Variants in ELOA observed in about 807,000 individuals in gnomAD.
ELOA encodes the protein elongin A, also known as elongin-A.
In ELOA, 15 loss-of-function variants were observed where a neutral mutation model predicts 85.2. The ratio of observed to expected loss-of-function variants is 0.18; its 90% CI spans 0.12 to 0.27. The LOEUF (loss-of-function observed/expected upper bound fraction) is 0.27, where lower values mean the gene tolerates loss of function less well. ELOA is among the 10% of genes least tolerant of loss of function. ELOA has a pLI of 1.00. For synonymous variants in ELOA, 348 were observed against 357.2 expected (o/e 0.97, Z 0.29); for missense variants, 769 against 952.7 (o/e 0.81, Z 2.54).
At chr1:23,750,502 T>C (rs1644765189) in intron 3 of ELOA, among the ~76,000 whole-genome samples, 1 of 152,260 alleles carries the variant, frequency 6.6e-6, no homozygotes, top group Non-Finnish European at 1.5e-5. Flanking sequence ...TTCTAACTGC[T>C]CCTTAAATGG....
chr1:23,752,332 C>G, intron 4 of ELOA, 75 bp from the exon 5 acceptor site: 2 of 1,431,752 alleles, frequency 1.4e-6, no homozygotes, highest in Non-Finnish European at 1.9e-6. Context: ...AGTTAATGCT[C>G]CCGGGAATAG....
chr1:23,745,118 A>C (rs1644740640), intron 1 of ELOA, among the ~76,000 whole-genome samples: 1 of 152,174 alleles, frequency 6.6e-6, no homozygotes, highest in African/African-American at 2.4e-5. Flanking sequence ...TTTTAGTTAC[A>C]AATCTGGGAA....
intron 3 of ELOA, 138 bp downstream of exon 3, chr1:23,750,086 A>G (rs1471254913): frequency 1.1e-5 from 6 of 558,746 alleles, no homozygotes; most frequent in African/African-American, 9.6e-5. Flanking sequence ...TCATTGTAGA[A>G]TATTAGAAAA....
At chr1:23,749,762 C>T in intron 2 of ELOA, 80 bp from the exon 3 acceptor site, 1 of 1,245,138 alleles carries the variant, frequency 8.0e-7, no homozygotes, top group East Asian at 2.4e-5. Context: ...TTGAGTTTCT[C>T]AAAGTAGAAA....
rs1557453570 is a variant in ELOA at position 23,751,113 on chromosome 1, G to A, written c.508G>A (p.Glu170Lys). The change falls in exon 4 of 11, where the codon GAG (glutamate) becomes AAG (lysine). Residue 170 changes from glutamate (E) to lysine (K), a missense_variant. Physicochemically the swap from Glu to Lys is moderately conservative, Grantham distance 56. Around this residue, in one of 4 missense-constraint regions of ELOA, gnomAD observed 440 missense variants for 474.0 expected, o/e 0.93. Coordinates refer to ENST00000613537, the MANE Select transcript of ELOA (RefSeq NM_003198.3). ...GTCACCAACTTACTCTTCAGACCCT[G>A]AGTCTTCTGATTATGGCCATGTTCA... is the stretch of plus-strand genomic sequence containing the variant. ...RMSPTYSSDP[E>K]SSDYGHVQSP... 1 of 1,614,094 alleles carries A rather than the reference G, an allele frequency of 6.2e-7. No homozygotes were observed. The highest frequency in any genetic ancestry group is 2.2e-5 in the East Asian group (1 of 44,878).
At chr1:23,749,982 C>T (rs774056289) in intron 3 of ELOA, 34 bp downstream of exon 3, 2 of 1,540,244 alleles carry the variant, frequency 1.3e-6, no homozygotes, top group African/African-American at 1.4e-5. Context: ...TGTTCAATTT[C>T]ATGGTTAAAT....
chr1:23,759,133 G>A (rs1019579851), intron 10 of ELOA, among the ~76,000 whole-genome samples: 1 of 152,242 alleles, frequency 6.6e-6, no homozygotes, highest in Non-Finnish European at 1.5e-5. Flanking sequence ...ACAGTGTGCT[G>A]TGATTGTGCC....
At chr1:23,749,983 A>C in intron 3 of ELOA, 35 bp downstream of exon 3, 1 of 1,539,798 alleles carries the variant, frequency 6.5e-7, no homozygotes. Flanking sequence ...GTTCAATTTC[A>C]TGGTTAAATT....
At chr1:23,750,715 TATC>T (rs1644766002) in intron 3 of ELOA, 127 bp from the exon 4 acceptor site, 1 of 880,174 alleles carries the variant, frequency 1.1e-6, no homozygotes, top group East Asian at 2.8e-5. Flanking sequence ...ATAACCTACT[TATC>T]TTCTTCTTAA....
At chr1:23,747,119 T>C (rs976784599) in intron 1 of ELOA, among the ~76,000 whole-genome samples, 1 of 152,202 alleles carries the variant, frequency 6.6e-6, no homozygotes, top group African/African-American at 2.4e-5. Context: ...CTCATCCTTA[T>C]ATGTTGGCTT....
At chr1:23,758,278 T>TA (rs1557456799) in intron 10 of ELOA, among the ~76,000 whole-genome samples, 16 of 107,730 alleles carry the variant, frequency 1.5e-4, no homozygotes, top group South Asian at 3.9e-4. Flanking sequence ...TTTTTTTTTT[T>TA]TTTTTTTTTT....
intron 1 of ELOA, among the ~76,000 whole-genome samples, chr1:23,746,491 CAGCTACTCGGGAGGCTGAG>C (rs1166658008): frequency 6.6e-6 from 1 of 150,690 alleles, no homozygotes; most frequent in Non-Finnish European, 1.5e-5. Flanking sequence ...CCTGTAATCC[CAGCTACTCGGGAGGCTGAG>C]ACAGGAGAAT....
chr1:23,755,174 G>A (rs575329942), intron 7 of ELOA, among the ~76,000 whole-genome samples: 1 of 152,228 alleles, frequency 6.6e-6, no homozygotes, highest in Admixed American at 6.5e-5. Context: ...AACGCGCCTG[G>A]CCAATAACTT....
At chr1:23,743,775 C>T (rs564163310) in intron 1 of ELOA, among the ~76,000 whole-genome samples, 197 bp downstream of exon 1, 88 of 152,216 alleles carry the variant, frequency 5.8e-4, no homozygotes, top group African/African-American at 1.9e-3. Flanking sequence ...GACGCGGGGC[C>T]CCGGCCGCTC....
At chr1:23,753,494 C>A (rs1644781669) in intron 5 of ELOA, among the ~76,000 whole-genome samples, 1 of 152,064 alleles carries the variant, frequency 6.6e-6, no homozygotes, top group African/African-American at 2.4e-5. Context: ...AAAAAAATGT[C>A]TAATTTTCAT....
chr1:23,745,597 A>C (rs1267013131), intron 1 of ELOA, among the ~76,000 whole-genome samples: 3 of 151,854 alleles, frequency 2.0e-5, no homozygotes, highest in Non-Finnish European at 4.4e-5. Context: ...AGTGAGCATC[A>C]TGAAGATGAG....
At position 23,751,226 on chromosome 1, in the gene ELOA, C is replaced by T; in HGVS notation, c.621C>T (p.His207=). 3.1e-6 allele frequency: 5 copies of T among 1,614,220 alleles called. No individual in the cohort carries two copies. The East Asian group carries it at 1.1e-4, about 36-fold the overall frequency. The change falls in exon 4 of 11, where the codon CAC becomes CAT. Residue 207 remains histidine (H), a synonymous_variant. Coordinates refer to ENST00000613537, the MANE Select transcript of ELOA (RefSeq NM_003198.3). ...LEEDQEPIVS[H]QKPGKGHSNA... ...AGGACCAGGAGCCCATTGTTTCACA[C>T]CAGAAGCCTGGGAAAGGCCACAGCA... is the stretch of plus-strand genomic sequence containing the variant.
chr1:23,757,227 T>C (rs1433908236), intron 10 of ELOA, 102 bp downstream of exon 10: 3 of 1,289,276 alleles, frequency 2.3e-6, no homozygotes, highest in Non-Finnish European at 3.1e-6. Flanking sequence ...GCATGTTGCA[T>C]GTACATGATG....
At chr1:23,750,820 TTGTC>T in intron 3 of ELOA, 21 bp from the exon 4 acceptor site, 2 of 1,535,238 alleles carry the variant, frequency 1.3e-6, no homozygotes, top group Non-Finnish European at 1.7e-6. Flanking sequence ...TAGACCTACT[TTGTC>T]TGCTTTTTCT....
Sources: allele counts gnomAD v4.1 joint callset (sites outside exome capture counted in the v4.1 genomes callset), GRCh38; gene constraint gnomAD v4.1.1; regional missense constraint gnomAD v4.1.1; transcripts MANE v1.5; gene names NCBI Gene and HGNC (gene_info 2026-07-23, HGNC 2026-07-21).